Variants in RP1 observed in about 807,000 individuals in gnomAD.
RP1 encodes RP1 axonemal microtubule associated, also known as oxygen-regulated protein 1.
A neutral mutation model predicts 14.8 loss-of-function variants in RP1; 16 were observed. The ratio of observed to expected loss-of-function variants is 1.08; its 90% confidence interval spans 0.73 to 1.65. The LOEUF (loss-of-function observed/expected upper bound fraction) is 1.65. RP1 is among the 40% of genes most tolerant of loss of function. RP1 has a pLI of 0.00. For missense variants in RP1, 2,631 were observed against 2,535.0 expected (o/e 1.04, Z -0.81); for synonymous variants, 876 against 883.6 (o/e 0.99, Z 0.15).
chr8:54,605,827 T>C (rs1223924854), intron 1 of RP1, among the ~76,000 whole-genome samples: 1 of 152,168 alleles, frequency 6.6e-6, no homozygotes, highest in Non-Finnish European at 1.5e-5. Flanking sequence ...CTTTGTTAGT[T>C]TAAAGTCTGT....
intron 24 of RP1, among the ~76,000 whole-genome samples, chr8:54,816,494 G>A (rs1479661373): frequency 6.6e-6 from 1 of 152,168 alleles, no homozygotes; most frequent in Non-Finnish European, 1.5e-5. Context: ...AAATAAGGTG[G>A]AATTTCAATC....
intron 24 of RP1, among the ~76,000 whole-genome samples, chr8:54,818,906 A>C (rs1480822163): frequency 6.6e-6 from 1 of 152,000 alleles, no homozygotes; most frequent in Non-Finnish European, 1.5e-5. Context: ...TGAAGGCTTA[A>C]GTAGGGGCAG....
upstream of RP1, among the ~76,000 whole-genome samples, chr8:54,614,296 A>G (rs1805662443): frequency 6.6e-6 from 1 of 152,238 alleles, no homozygotes. Flanking sequence ...TATGACATAC[A>G]GGTAATCTCA....
chr8:54,614,707 T>C (rs556859510), upstream of RP1, among the ~76,000 whole-genome samples: 364 of 152,332 alleles, frequency 2.4e-3, 1 homozygote, highest in Non-Finnish European at 3.9e-3. Context: ...TGCTGTCTTA[T>C]ATGTAAGAAA....
intron 22 of RP1, chr8:54,759,140 G>GTGTC (rs1189030116): frequency 8.7e-7 from 1 of 1,147,330 alleles, no homozygotes; most frequent in African/African-American, 1.7e-5. Flanking sequence ...CTGTGTGTGT[G>GTGTC]TGTGTGTGTG....
downstream of RP1, among the ~76,000 whole-genome samples, chr8:54,772,132 T>C (rs961952897): frequency 2.6e-5 from 4 of 152,160 alleles, no homozygotes; most frequent in African/African-American, 9.7e-5. Flanking sequence ...TTCTAAACCT[T>C]GACACCTTAT....
chr8:54,718,440 A>G (rs1808455398), intron 15 of RP1, among the ~76,000 whole-genome samples: 1 of 152,204 alleles, frequency 6.6e-6, no homozygotes, highest in Non-Finnish European at 1.5e-5. Flanking sequence ...ATCTTTGACA[A>G]AGGAGCAAAG....
intron 25 of RP1, among the ~76,000 whole-genome samples, chr8:54,850,461 G>A (rs1812035156): frequency 6.6e-6 from 1 of 152,110 alleles, no homozygotes; most frequent in Non-Finnish European, 1.5e-5. Flanking sequence ...TATCAGCCTT[G>A]TACTTTTTTA....
At chr8:54,698,797 C>T (rs1201516399) in intron 12 of RP1, among the ~76,000 whole-genome samples, 1 of 151,958 alleles carries the variant, frequency 6.6e-6, no homozygotes, top group African/African-American at 2.4e-5. Context: ...AAGAGAAAAC[C>T]AAACACCTCA....
At chr8:54,666,365 T>C (rs1807017932) in intron 7 of RP1, among the ~76,000 whole-genome samples, 1 of 152,144 alleles carries the variant, frequency 6.6e-6, no homozygotes, top group South Asian at 2.1e-4. Context: ...GGATAGCTGC[T>C]GGAAGTGTTC....
chr8:54,591,757 G>A (rs62514581), intron 1 of RP1, among the ~76,000 whole-genome samples: 31,306 of 152,056 alleles, frequency 0.21, 3,667 homozygotes, highest in East Asian at 0.37. Context: ...TTTATCATGC[G>A]TCAGCGGCCA....
intron 3 of RP1, among the ~76,000 whole-genome samples, chr8:54,645,268 G>A (rs1356814291): frequency 2.0e-5 from 3 of 152,076 alleles, no homozygotes; most frequent in Non-Finnish European, 4.4e-5. Flanking sequence ...GGGGATATAT[G>A]GTAAGTTTGT....
chr8:54,814,456 C>A (rs1472496328), intron 24 of RP1, among the ~76,000 whole-genome samples: 1 of 152,142 alleles, frequency 6.6e-6, no homozygotes, highest in African/African-American at 2.4e-5. Flanking sequence ...GCTGGTTTTT[C>A]TGTAGAGAAC....
chr8:54,642,889 C>G (rs919989454), intron 3 of RP1, among the ~76,000 whole-genome samples: 3 of 152,048 alleles, frequency 2.0e-5, no homozygotes, highest in Non-Finnish European at 4.4e-5. Context: ...TGTTTTAAAA[C>G]TAAAGATTTT....
At chr8:54,620,911 G>A (rs935874059) in intron 1 of RP1, 44 bp from the exon 2 acceptor site, 22 of 1,559,094 alleles carry the variant, frequency 1.4e-5, no homozygotes, top group Non-Finnish European at 1.8e-5. Flanking sequence ...CCATGTATTC[G>A]CTATGGTGCT....
intron 27 of RP1, among the ~76,000 whole-genome samples, chr8:54,861,331 T>C (rs1038287681): frequency 2.6e-5 from 4 of 152,254 alleles, no homozygotes; most frequent in Non-Finnish European, 4.4e-5. Flanking sequence ...TTACTAATCA[T>C]GTGGGGATAC....
At chr8:54,635,129 T>C (rs762828572), downstream of RP1, among the ~76,000 whole-genome samples, 16 of 151,896 alleles carry the variant, frequency 1.1e-4, no homozygotes, top group Non-Finnish European at 1.9e-4. Flanking sequence ...TTTTTATCAA[T>C]GGGAATTCTT....
chr8:54,679,128 A>G (rs572368928), intron 9 of RP1, among the ~76,000 whole-genome samples: 1 of 152,232 alleles, frequency 6.6e-6, no homozygotes. Context: ...TCCAGTGAAT[A>G]TAACATCTAC....
chr8:54,769,762 G>A (rs1173687857), exon 23 of RP1: 11 of 1,532,740 alleles, frequency 7.2e-6, no homozygotes, highest in Non-Finnish European at 9.6e-6. Flanking sequence ...TCATGTCTCA[G>A]GGCATAATTC....
Sources: allele counts gnomAD v4.1 joint callset (sites outside exome capture counted in the v4.1 genomes callset), GRCh38; gene constraint gnomAD v4.1.1; transcripts MANE v1.5; gene names NCBI Gene and HGNC (gene_info 2026-07-23, HGNC 2026-07-21).